The following TBL1XR1 variants were observed in gnomAD, a reference collection of about 807,000 sequenced individuals.
TBL1XR1 encodes TBL1X/Y related 1.
TBL1XR1 carries 5 observed loss-of-function variants against 66.9 expected under a neutral mutation model. The observed-to-expected ratio is 0.07, with a 90% CI of 0.04 to 0.16. The LOEUF (loss-of-function observed/expected upper bound fraction) is 0.16. TBL1XR1 is among the 10% of genes least tolerant of loss of function. The probability of loss-of-function intolerance (pLI) is 1.00; values close to 1 mark genes in which losing one functional copy is unlikely to be tolerated. For missense variants in TBL1XR1, 238 were observed against 623.2 expected, an observed-to-expected ratio of 0.38 and a Z score of 6.58; for synonymous variants, 210 against 206.0, an observed-to-expected ratio of 1.02 and a Z score of -0.17.
chr3:177,105,093 G>A (rs1724708997), intron 1 of TBL1XR1, among the ~76,000 whole-genome samples: 1 of 152,154 alleles, frequency 6.6e-6, no homozygotes, highest in African/African-American at 2.4e-5. Context: ...ATGAGAAAAA[G>A]CTTACACTCC....
chr3:177,097,248 G>C (rs958549641), intron 2 of TBL1XR1, among the ~76,000 whole-genome samples: 1 of 151,924 alleles, frequency 6.6e-6, no homozygotes, highest in Non-Finnish European at 1.5e-5. Flanking sequence ...AAAATTGTTG[G>C]TAATGAACTA....
At chr3:177,119,640 C>T (rs1726743270) in intron 1 of TBL1XR1, among the ~76,000 whole-genome samples, 1 of 152,176 alleles carries the variant, frequency 6.6e-6, no homozygotes, top group Non-Finnish European at 1.5e-5. Context: ...TGGTCCAGAT[C>T]CCAGTCTAGG....
At chr3:177,135,221 C>A (rs1465572395) in intron 1 of TBL1XR1, among the ~76,000 whole-genome samples, 1 of 148,880 alleles carries the variant, frequency 6.7e-6, no homozygotes, top group Non-Finnish European at 1.5e-5. Context: ...AGACTGGTTT[C>A]AAACTCCTGA....
intron 3 of TBL1XR1, among the ~76,000 whole-genome samples, chr3:177,063,278 CT>C (rs1718750249): frequency 1.3e-5 from 2 of 152,144 alleles, no homozygotes; most frequent in South Asian, 4.1e-4. Flanking sequence ...AAAAATATTA[CT>C]GCTCTCATTA....
At chr3:177,069,732 C>G (rs970409435) in intron 2 of TBL1XR1, among the ~76,000 whole-genome samples, 11 of 140,850 alleles carry the variant, frequency 7.8e-5, no homozygotes, top group Admixed American at 3.0e-4. Context: ...GAGGAAAACT[C>G]TGACGAAAGA....
intron 2 of TBL1XR1, among the ~76,000 whole-genome samples, chr3:177,097,278 T>G (rs1461567134): frequency 6.6e-6 from 1 of 152,248 alleles, no homozygotes. Context: ...TTTATAAATG[T>G]AAGATGTTAT....
At chr3:177,182,309 G>A (rs867882261) in intron 1 of TBL1XR1, among the ~76,000 whole-genome samples, 3 of 152,032 alleles carry the variant, frequency 2.0e-5, no homozygotes, top group Non-Finnish European at 4.4e-5. Flanking sequence ...ACCTGAGCCC[G>A]GGGAGTTCAG....
At chr3:177,135,317 G>C (rs1437614113) in intron 1 of TBL1XR1, among the ~76,000 whole-genome samples, 1 of 96,524 alleles carries the variant, frequency 1.0e-5, no homozygotes, top group African/African-American at 3.9e-5. Context: ...CTGTGTGTGT[G>C]TGTGTGTGTG....
chr3:177,112,529 T>C (rs1262020474), intron 1 of TBL1XR1, among the ~76,000 whole-genome samples: 1 of 152,188 alleles, frequency 6.6e-6, no homozygotes, highest in Non-Finnish European at 1.5e-5. Context: ...GGTTAAACAT[T>C]CTTATCAGAG....
intron 12 of TBL1XR1, among the ~76,000 whole-genome samples, chr3:177,035,232 C>T (rs1288537259): frequency 6.6e-6 from 1 of 152,118 alleles, no homozygotes; most frequent in African/African-American, 2.4e-5. Context: ...TCAACTCTTA[C>T]CTCCCTTGAA....
chr3:177,089,465 T>C (rs6802786), intron 2 of TBL1XR1, among the ~76,000 whole-genome samples: 47,481 of 152,026 alleles, frequency 0.31, 7,853 homozygotes, highest in East Asian at 0.58. Context: ...TCTACACTGT[T>C]CCCGAGGATG....
chr3:177,057,044 T>C (rs1370750234), intron 3 of TBL1XR1, among the ~76,000 whole-genome samples: 1 of 152,204 alleles, frequency 6.6e-6, no homozygotes, highest in African/African-American at 2.4e-5. Context: ...AAACGCCTAA[T>C]TATGGCACAC....
intron 1 of TBL1XR1, among the ~76,000 whole-genome samples, chr3:177,192,483 G>A (rs1285096390): frequency 6.6e-6 from 1 of 150,962 alleles, no homozygotes; most frequent in Non-Finnish European, 1.5e-5. Flanking sequence ...CCAGATGACA[G>A]AATAGCAACA....
intron 9 of TBL1XR1, among the ~76,000 whole-genome samples, chr3:177,047,026 T>C (rs1225462661): frequency 6.6e-6 from 1 of 152,124 alleles, no homozygotes; most frequent in Non-Finnish European, 1.5e-5. Context: ...TAACTAGAAA[T>C]TGTAGAAGGG....
chr3:177,050,712 G>C (rs1716949305), intron 5 of TBL1XR1, 102 bp from the exon 6 acceptor site: 2 of 1,288,252 alleles, frequency 1.6e-6, no homozygotes, highest in Admixed American at 4.3e-5. Context: ...ATCGCACACA[G>C]TGTAACATTT....
At chr3:177,090,545 G>A (rs1185752921) in intron 2 of TBL1XR1, among the ~76,000 whole-genome samples, 2 of 144,712 alleles carry the variant, frequency 1.4e-5, no homozygotes, top group African/African-American at 5.1e-5. Context: ...AAAATCAGCT[G>A]GGTGCAGTGG....
rs534270064 is a variant in TBL1XR1, at chr3:177,144,731, C to A, written c.-121-46190G>T. Among the ~76,000 whole-genome samples the A allele has an allele frequency of 4.0e-5, 6 of 150,702 alleles. No individual in the cohort carries two copies. The East Asian group carries it at 7.8e-4, about 20-fold the overall frequency. ...TTGCACCACTGCACTCCAGCCTGGG[C>A]GACAGAGGGAGACTCCGTCCCAAAA... On this transcript the variant is annotated intron_variant, in intron 1 of 15. Transcript: ENST00000457928.
intron 14 of TBL1XR1, among the ~76,000 whole-genome samples, chr3:177,029,833 G>A (rs1349867034): frequency 1.3e-5 from 2 of 152,080 alleles, no homozygotes; most frequent in Non-Finnish European, 2.9e-5. Context: ...AAATGCTAAA[G>A]TCCAACTGTA....
At chr3:177,032,352 G>A (rs1714119686) in intron 14 of TBL1XR1, 1 of 152,174 alleles carries the variant, frequency 6.6e-6, no homozygotes, top group East Asian at 1.9e-4. Context: ...TACACAAAGA[G>A]AAATACACCA....
Sources: gnomAD v4.1 joint callset for allele counts (sites outside exome capture counted in the v4.1 genomes callset) on GRCh38, gnomAD v4.1.1 for gene constraint, MANE v1.5 for transcripts, NCBI Gene and HGNC (gene_info 2026-07-23, HGNC 2026-07-21) for gene names.